The following TTC21A variants were observed in gnomAD, a reference collection of about 807,000 sequenced individuals.
TTC21A encodes tetratricopeptide repeat domain 21A, also known as tetratricopeptide repeat protein 21A.
TTC21A carries 128 observed loss-of-function variants against 156.4 expected under a neutral mutation model. The observed-to-expected ratio is 0.82, with a 90% confidence interval of 0.71 to 0.95. The LOEUF is 0.95. Among genes scored for constraint, TTC21A ranks in the 40% least tolerant of loss-of-function variants. The pLI is 0.00. For missense variants in TTC21A, 1,435 were observed against 1,602.3 expected (o/e 0.90, Z 1.78); for synonymous variants, 587 against 617.1 (o/e 0.95, Z 0.72).
intron 25 of TTC21A, 25 bp from the exon 26 acceptor site, chr3:39,137,461 C>T (rs776612626): frequency 1.1e-4 from 177 of 1,612,656 alleles, no homozygotes; most frequent in Non-Finnish European, 1.4e-4. Context: ...CACGTGCTGA[C>T]GTCCACTTCC....
In TTC21A at chr3:39,112,399, G is replaced by T. The variant is rs1281948086; in HGVS notation, c.436-59G>T. The T allele has an allele frequency of 8.2e-6, 13 of 1,588,364 alleles. No homozygotes were observed. The Admixed American group carries it at 1.7e-4, about 20-fold the overall frequency. On this transcript the variant is annotated intron_variant, in intron 4 of 28. Transcript: ENST00000683103. ...GGTGGCAAAGTGTGGATCATGTGCAGGCTGAGTTGATTCTGTGCAGGACCA... is the reference window on the plus strand; with the variant it reads ...GGTGGCAAAGTGTGGATCATGTGCATGCTGAGTTGATTCTGTGCAGGACCA...
chr3:39,110,271 G>A, intron 3 of TTC21A, 132 bp downstream of exon 3: 1 of 731,244 alleles, frequency 1.4e-6, no homozygotes, highest in Non-Finnish European at 2.4e-6. Context: ...CTGTTAACCA[G>A]TGAGAAGTGG....
Position 39,134,101 on chromosome 3 carries a change from A to G in TTC21A, c.2752-117A>G. 2 of 728,214 alleles carry G rather than the reference A, an allele frequency of 2.7e-6. No individual in the cohort carries two copies. Among genetic ancestry groups the G allele is most frequent in the Admixed American group, 2.0e-5 (1 of 50,936 alleles). The allele number at this position is 728,214 out of a possible 1,614,324, so 45.1% of individuals were successfully genotyped here. A position where few individuals can be genotyped will look rare whatever the true frequency, so the allele number is the denominator to read the frequency against. On this transcript the variant is annotated intron_variant, in intron 20 of 28. Transcript: ENST00000683103. The surrounding 1 kb of genome is among the most constrained non-coding windows in gnomAD (Gnocchi z 4.6). ...GACGTTCACGTGGGGAATTCGAGAC[A>G]TATTTTGAAGGCAGAGCTGATAGAA...
rs907496850 is a variant in TTC21A, at chr3:39,107,759, A to C, written c.-79A>C. The C allele has an allele frequency of 6.5e-5, 104 of 1,592,796 alleles. No individual in the cohort carries two copies. Among genetic ancestry groups the C allele is most frequent in the Non-Finnish European group, 8.7e-5 (101 of 1,165,648 alleles). ...CGCCTTCAACCGCCCGCCGCGATAG[A>C]GTGCCCACGACCCTGCCTCGGGAAT... is the stretch of plus-strand genomic sequence containing the variant. On this transcript the variant is annotated 5_prime_UTR_variant, in exon 1 of 29. Coordinates refer to ENST00000683103, the MANE Select transcript of TTC21A (RefSeq NM_001366900.1).
chr3:39,130,214 G>A lies in TTC21A; in HGVS notation c.2209-34G>A. 1.9e-6 allele frequency: 3 copies of A among 1,610,454 alleles called. No individual in the cohort carries two copies. Among genetic ancestry groups the A allele is most frequent in the Non-Finnish European group, 2.5e-6 (3 of 1,177,354 alleles). On this transcript the variant is annotated intron_variant, in intron 16 of 28. Transcript: ENST00000683103. This position sits in a 1 kb window ranked among gnomAD's most constrained non-coding sequence, Gnocchi z 4.5. ...CCAGTCTCCCTTCTCCAGTGGGAGA[G>A]AAGAGGAAGACCCAAAGACACTTTC...
intron 3 of TTC21A, 82 bp from the exon 4 acceptor site, chr3:39,110,769 C>T: frequency 6.6e-7 from 1 of 1,520,846 alleles, no homozygotes. Context: ...GAGGTAGTTC[C>T]CTGGGCCCTC....
At chr3:39,132,206 T>C (rs1490152516) in intron 19 of TTC21A, among the ~76,000 whole-genome samples, 1 of 152,166 alleles carries the variant, frequency 6.6e-6, no homozygotes, top group African/African-American at 2.4e-5. Context: ...AAAAATACAG[T>C]ATTATAATCT....
At chr3:39,131,944 A>C (rs933947896) in intron 19 of TTC21A, among the ~76,000 whole-genome samples, 5 of 152,190 alleles carry the variant, frequency 3.3e-5, no homozygotes, top group Non-Finnish European at 5.9e-5. Context: ...TTTGGGGGGC[A>C]TGTTCAAACC....
At chr3:39,125,614 C>T in intron 11 of TTC21A, 82 bp downstream of exon 11, 2 of 1,036,234 alleles carry the variant, frequency 1.9e-6, no homozygotes, top group Admixed American at 3.5e-5. Context: ...AGGCAAGGAC[C>T]TTACTTGGCC....
At chr3:39,127,762 C>T (rs2038388611) in intron 12 of TTC21A, among the ~76,000 whole-genome samples, 4 of 152,218 alleles carry the variant, frequency 2.6e-5, no homozygotes, top group Non-Finnish European at 5.9e-5. Context: ...AGAGCTGAAG[C>T]TCAGGAACCC....
Position 39,128,429 on chromosome 3 carries a change from C to G in TTC21A, c.1621C>G (p.Gln541Glu), listed in dbSNP as rs1413677186. 1.9e-6 allele frequency: 3 copies of G among 1,614,206 alleles called. No homozygotes were observed. The highest frequency in any genetic ancestry group is 2.5e-6 in the Non-Finnish European group (3 of 1,180,040). The change falls in exon 13 of 29, where the codon CAG (glutamine) becomes GAG (glutamate). Residue 541 changes from glutamine (Q) to glutamate (E), a missense_variant. Coordinates refer to ENST00000683103, the MANE Select transcript of TTC21A (RefSeq NM_001366900.1). ...HLLMCQIYLA[Q>E]GNFGMCFHCL... ...CCTCATGTGTCAGATCTACTTGGCT[C>G]AGGGCAACTTTGGCATGTGCTTCCA...
At chr3:39,123,469 C>CT (rs1481358696) in intron 9 of TTC21A, among the ~76,000 whole-genome samples, 1 of 152,152 alleles carries the variant, frequency 6.6e-6, no homozygotes, top group Non-Finnish European at 1.5e-5. Context: ...TTATTTCAAA[C>CT]TAATAGGTTG....
chr3:39,138,056 G>A, intron 26 of TTC21A: 1 of 666,456 alleles, frequency 1.5e-6, no homozygotes, highest in Non-Finnish European at 2.5e-6. Flanking sequence ...CAGGGAAAGG[G>A]GTTACGCCAG....
rs753373673 is a variant in TTC21A at position 39,110,917 on chromosome 3, C to T, written c.335C>T (p.Ala112Val). The change falls in exon 4 of 29, where the codon GCA (alanine) becomes GTA (valine). Residue 112 changes from alanine to valine, a missense_variant. Physicochemically the swap from Ala to Val is moderately conservative, Grantham distance 64. Transcript: ENST00000683103. ...ATACGCAAGACAGTCAGTGGGACTG[C>T]ACTGTACTATGCTGGCCTTTTCCTC... ...KEIRKTVSGT[A>V]LYYAGLFLWL... 1 of 1,614,048 alleles carries T rather than the reference C, an allele frequency of 6.2e-7. No homozygotes were observed. The highest frequency in any genetic ancestry group is 8.5e-7 in the Non-Finnish European group (1 of 1,179,992).
rs772669374 is a variant in TTC21A at position 39,128,434 on chromosome 3, C to A, written c.1626C>A (p.Gly542=). 2 of 1,614,188 alleles carry A rather than the reference C, an allele frequency of 1.2e-6. No individual in the cohort carries two copies. Among genetic ancestry groups the A allele is most frequent in the Non-Finnish European group, 8.5e-7 (1 of 1,180,044 alleles). The change falls in exon 13 of 29, where the codon GGC becomes GGA. Residue 542 remains glycine, a synonymous_variant. Coordinates refer to ENST00000683103, the MANE Select transcript of TTC21A (RefSeq NM_001366900.1). ...TGTGTCAGATCTACTTGGCTCAGGGCAACTTTGGCATGTGCTTCCACTGCT... is the reference window on the plus strand; with the variant it reads ...TGTGTCAGATCTACTTGGCTCAGGGAAACTTTGGCATGTGCTTCCACTGCT... ...LLMCQIYLAQ[G]NFGMCFHCLE...
intron 22 of TTC21A, 191 bp from the exon 23 acceptor site, chr3:39,136,166 C>T (rs2039097499): frequency 1.8e-6 from 1 of 548,402 alleles, no homozygotes; most frequent in East Asian, 3.0e-5. Flanking sequence ...AGCTGCTATT[C>T]TTTACTATTT....
Position 39,134,329 on chromosome 3 carries a change from G to A in TTC21A, c.2862+1G>A. On this transcript the variant is annotated splice_donor_variant, in intron 21 of 28. Coordinates refer to ENST00000683103, the MANE Select transcript of TTC21A (RefSeq NM_001366900.1). LOFTEE classifies it high-confidence loss of function. This position sits in a 1 kb window ranked among gnomAD's most constrained non-coding sequence, Gnocchi z 4.6. ...GCAGAACCATGAGACCGCTTCTGTG[G>A]TAGGAAGCCCCCAGCACCCACTCCC... 6.2e-7 allele frequency: 1 copy of A among 1,606,444 alleles called. No homozygotes were observed. The highest frequency in any genetic ancestry group is 2.2e-5 in the East Asian group (1 of 44,808).
intron 3 of TTC21A, 60 bp from the exon 4 acceptor site, chr3:39,110,791 C>G: frequency 6.3e-7 from 1 of 1,597,886 alleles, no homozygotes; most frequent in South Asian, 1.1e-5. Flanking sequence ...GTGGCCCATG[C>G]AGAACCAGGC....
intron 5 of TTC21A, 108 bp from the exon 6 acceptor site, chr3:39,114,477 G>A: frequency 8.9e-7 from 1 of 1,126,138 alleles, no homozygotes; most frequent in South Asian, 1.4e-5. Flanking sequence ...GTGCCCATGT[G>A]TCAGGTTCTG....
Sources: gnomAD v4.1 joint callset for allele counts (sites outside exome capture counted in the v4.1 genomes callset) on GRCh38, gnomAD v4.1.1 for gene constraint, Gnocchi (gnomAD v3.1) non-coding constraint, MANE v1.5 for transcripts, NCBI Gene and HGNC (gene_info 2026-07-23, HGNC 2026-07-21) for gene names.